Variants in KDM4C observed in about 807,000 individuals in gnomAD.
KDM4C encodes the protein lysine demethylase 4C.
KDM4C carries 81 observed loss-of-function variants against 129.3 expected under a neutral mutation model. The observed-to-expected ratio is 0.63, with a 90% CI of 0.52 to 0.75. The LOEUF (loss-of-function observed/expected upper bound fraction) is 0.75, where lower values mean the gene tolerates loss of function less well. Among genes scored for constraint, KDM4C ranks in the 30% least tolerant of loss-of-function variants. The pLI, the probability that KDM4C is intolerant of heterozygous loss-of-function variation, is 0.00. For missense variants in KDM4C, 1,457 were observed against 1,304.0 expected, an observed-to-expected ratio of 1.12 and a Z score of -1.81; for synonymous variants, 573 against 456.1, an observed-to-expected ratio of 1.26 and a Z score of -3.26.
chr9:7,076,720 C>T, intron 17 of KDM4C: 1 of 1,217,642 alleles, frequency 8.2e-7, no homozygotes, highest in Non-Finnish European at 1.0e-6. Flanking sequence ...TTGTTGACTT[C>T]CTATGTGGGG....
At chr9:6,724,638 C>G (rs1038833712) in intron 1 of KDM4C, among the ~76,000 whole-genome samples, 2 of 152,142 alleles carry the variant, frequency 1.3e-5, no homozygotes, top group Admixed American at 6.5e-5. Flanking sequence ...TCAAGCCATT[C>G]TCCTGCCTCA....
intron 3 of KDM4C, among the ~76,000 whole-genome samples, chr9:6,809,652 G>A (rs1032568723): frequency 6.6e-6 from 1 of 152,176 alleles, no homozygotes. Flanking sequence ...GGATTTTGAA[G>A]GATGGTCAGA....
chr9:6,829,073 G>A (rs1834368398), intron 4 of KDM4C, among the ~76,000 whole-genome samples: 1 of 152,234 alleles, frequency 6.6e-6, no homozygotes. Context: ...CAGCAATGGT[G>A]GGTGTTGGCC....
At chr9:7,006,030 A>G (rs933656984) in intron 12 of KDM4C, among the ~76,000 whole-genome samples, 1 of 152,238 alleles carries the variant, frequency 6.6e-6, no homozygotes, top group Non-Finnish European at 1.5e-5. Context: ...TTTGTATGAA[A>G]AGTGATACAA....
At chr9:7,059,741 A>G (rs752537226) in intron 17 of KDM4C, among the ~76,000 whole-genome samples, 4 of 152,254 alleles carry the variant, frequency 2.6e-5, no homozygotes, top group Admixed American at 1.3e-4. Context: ...TAAACTGGGC[A>G]GAGATTGGCA....
intron 8 of KDM4C, among the ~76,000 whole-genome samples, chr9:6,922,861 G>C (rs193021788): frequency 6.6e-6 from 1 of 152,230 alleles, no homozygotes; most frequent in Admixed American, 6.5e-5. Flanking sequence ...TTCAGGAAGA[G>C]ATGCTTATCT....
chr9:6,856,106 G>C (rs866063110), intron 5 of KDM4C, among the ~76,000 whole-genome samples: 41 of 151,924 alleles, frequency 2.7e-4, no homozygotes, highest in African/African-American at 8.7e-4. Flanking sequence ...CCTGGCACTT[G>C]GTAGGTACTC....
At chr9:7,031,423 A>C (rs1587066986) in intron 15 of KDM4C, among the ~76,000 whole-genome samples, 2 of 152,238 alleles carry the variant, frequency 1.3e-5, no homozygotes, top group South Asian at 2.1e-4. Context: ...GGCCTCCCAA[A>C]GTGCTGGGAT....
chr9:7,004,081 A>G (rs1454230647), intron 12 of KDM4C, among the ~76,000 whole-genome samples: 3 of 152,206 alleles, frequency 2.0e-5, no homozygotes, highest in Non-Finnish European at 2.9e-5. Flanking sequence ...AAGCAGCAGA[A>G]TGAGTGTGAT....
intron 8 of KDM4C, among the ~76,000 whole-genome samples, chr9:6,926,946 A>G (rs1408754840): frequency 6.6e-6 from 1 of 152,178 alleles, no homozygotes; most frequent in Admixed American, 6.5e-5. Flanking sequence ...ATACATGTTC[A>G]TTTATCTTAA....
At position 7,053,287 on chromosome 9, in the gene KDM4C, T is replaced by A. The variant is rs1008918254; in HGVS notation, c.2424+4087T>A. 3.9e-5 allele frequency among the ~76,000 whole-genome samples: 6 copies of A among 152,224 alleles called. No individual in the cohort carries two copies. In the East Asian group the frequency reaches 1.2e-3, roughly 29 times the overall value. On this transcript the variant is annotated intron_variant, in intron 17 of 21. Transcript: ENST00000381309. ...CGTTTATTTATTCAGAGCTTCAACCTACAGCTTTTGAAAAGCTCCTCTGGT... is the reference window on the plus strand; with the variant it reads ...CGTTTATTTATTCAGAGCTTCAACCAACAGCTTTTGAAAAGCTCCTCTGGT...
chr9:7,136,225 T>G (rs1841192870), intron 19 of KDM4C, among the ~76,000 whole-genome samples: 2 of 152,260 alleles, frequency 1.3e-5, no homozygotes, highest in Admixed American at 1.3e-4. Flanking sequence ...GTTTATCCAT[T>G]CACCAGTTGA....
At chr9:6,810,910 C>T (rs576732316) in intron 3 of KDM4C, among the ~76,000 whole-genome samples, 1 of 152,054 alleles carries the variant, frequency 6.6e-6, no homozygotes, top group African/African-American at 2.4e-5. Context: ...GTTAATTGGT[C>T]TTTTGATTTG....
chr9:7,053,617 T>C (rs566667685), intron 17 of KDM4C, among the ~76,000 whole-genome samples: 1 of 152,364 alleles, frequency 6.6e-6, no homozygotes, highest in South Asian at 2.1e-4. Flanking sequence ...TTTCTTTTAT[T>C]TCTGTGTCCA....
chr9:6,737,666 A>AT (rs1462498368), intron 1 of KDM4C, among the ~76,000 whole-genome samples: 1 of 124,102 alleles, frequency 8.1e-6, no homozygotes, highest in East Asian at 3.0e-4. Flanking sequence ...CTTCATCTCA[A>AT]AAAAAAAAAA....
At chr9:6,952,598 G>A (rs1321378046) in intron 8 of KDM4C, among the ~76,000 whole-genome samples, 3 of 151,754 alleles carry the variant, frequency 2.0e-5, no homozygotes, top group African/African-American at 4.8e-5. Context: ...CCACAACCAC[G>A]CCTGGCTGAT....
At chr9:7,088,645 A>G (rs900377702) in intron 17 of KDM4C, among the ~76,000 whole-genome samples, 7 of 152,206 alleles carry the variant, frequency 4.6e-5, no homozygotes, top group Admixed American at 1.3e-4. Context: ...CATTTGCTAC[A>G]TATTACAGGA....
At chr9:6,762,146 C>T (rs898874550) in intron 1 of KDM4C, among the ~76,000 whole-genome samples, 3 of 151,882 alleles carry the variant, frequency 2.0e-5, no homozygotes, top group Non-Finnish European at 4.4e-5. Flanking sequence ...ATGTGCGCAA[C>T]GTGCAGGTTT....
chr9:6,856,024 A>T (rs1302136941), intron 5 of KDM4C, among the ~76,000 whole-genome samples: 1 of 152,210 alleles, frequency 6.6e-6, no homozygotes, highest in Non-Finnish European at 1.5e-5. Flanking sequence ...TATAGGCGTG[A>T]GTCACCATTC....
Sources: allele counts gnomAD v4.1 joint callset (sites outside exome capture counted in the v4.1 genomes callset), GRCh38; gene constraint gnomAD v4.1.1; transcripts MANE v1.5; gene names NCBI Gene and HGNC (gene_info 2026-07-23, HGNC 2026-07-21).